Variants in DLG2 observed in about 807,000 individuals in gnomAD.
DLG2 encodes discs large MAGUK scaffold protein 2.
DLG2 carries 45 observed loss-of-function variants against 132.5 expected under a neutral mutation model. The ratio of observed to expected loss-of-function variants is 0.34; its 90% CI spans 0.27 to 0.44. The LOEUF is 0.44. Among genes scored for constraint, DLG2 ranks in the 20% least tolerant of loss-of-function variants. The probability of loss-of-function intolerance (pLI) is 1.00; values close to 1 mark genes in which losing one functional copy is unlikely to be tolerated. For missense variants in DLG2, 1,045 were observed against 1,196.9 expected, an observed-to-expected ratio of 0.87 and a Z score of 1.87; for synonymous variants, 424 against 419.6, an observed-to-expected ratio of 1.01 and a Z score of -0.13.
At chr11:83,782,423 G>A (rs923317877) in intron 18 of DLG2, among the ~76,000 whole-genome samples, 99 of 152,200 alleles carry the variant, frequency 6.5e-4, no homozygotes, top group African/African-American at 2.4e-3. Flanking sequence ...CTGTCTAGGA[G>A]CTCACTCGAG....
intron 18 of DLG2, among the ~76,000 whole-genome samples, chr11:83,727,211 T>A (rs2090165573): frequency 6.6e-6 from 1 of 152,162 alleles, no homozygotes; most frequent in Admixed American, 6.5e-5. Context: ...GTCCACTCAT[T>A]CCCTGGTTGA....
Position 84,450,763 on chromosome 11 carries a change from T to C in DLG2, c.519+83807A>G, listed in dbSNP as rs115481812. 3.3e-3 allele frequency among the ~76,000 whole-genome samples: 499 copies of C among 151,960 alleles called. 6 individuals carry two copies. Among genetic ancestry groups the C allele is most frequent in the African/African-American group, 0.012 (483 of 41,522 alleles). Reference sequence around the variant, plus strand: ...ATCATGTTGACAATAATCTATTTAATACATCTATTTTTCATGGTTTCCTTG... The same window carrying C: ...ATCATGTTGACAATAATCTATTTAACACATCTATTTTTCATGGTTTCCTTG... On this transcript the variant is annotated intron_variant, in intron 7 of 27. Transcript: ENST00000376104.
chr11:85,604,744 A>G (rs2080407490), intron 2 of DLG2, among the ~76,000 whole-genome samples: 1 of 152,162 alleles, frequency 6.6e-6, no homozygotes, highest in African/African-American at 2.4e-5. Flanking sequence ...TATGCAACCA[A>G]GGGATAGTGA....
chr11:85,430,002 C>T (rs371031006), intron 3 of DLG2, among the ~76,000 whole-genome samples: 20 of 151,866 alleles, frequency 1.3e-4, no homozygotes, highest in Non-Finnish European at 2.8e-4. Flanking sequence ...ATGTGGCACA[C>T]ATACACCATG....
intron 6 of DLG2, among the ~76,000 whole-genome samples, chr11:85,058,965 C>T (rs1345364202): frequency 6.6e-6 from 1 of 150,848 alleles, no homozygotes; most frequent in Non-Finnish European, 1.5e-5. Context: ...AAAAAGGACA[C>T]AAAAGGCACT....
chr11:84,147,279 A>G (rs1402003375), intron 9 of DLG2, among the ~76,000 whole-genome samples: 1 of 152,146 alleles, frequency 6.6e-6, no homozygotes, highest in Non-Finnish European at 1.5e-5. Context: ...AGACAAATCA[A>G]CTGTGTGACC....
At chr11:84,924,976 T>C (rs915941202) in intron 6 of DLG2, among the ~76,000 whole-genome samples, 15 of 152,180 alleles carry the variant, frequency 9.9e-5, no homozygotes, top group African/African-American at 3.6e-4. Flanking sequence ...CAGGTCACAT[T>C]TCCTGCAGCT....
At chr11:83,622,291 G>A (rs1033249461) in intron 19 of DLG2, among the ~76,000 whole-genome samples, 1 of 152,198 alleles carries the variant, frequency 6.6e-6, no homozygotes, top group Non-Finnish European at 1.5e-5. Flanking sequence ...TGCAAATTAT[G>A]TAGCAGGTCC....
intron 17 of DLG2, among the ~76,000 whole-genome samples, chr11:83,819,831 G>A (rs1463427885): frequency 2.6e-5 from 4 of 152,066 alleles, no homozygotes. Flanking sequence ...TCAGTCCAAC[G>A]TTGAAGAAGG....
intron 6 of DLG2, among the ~76,000 whole-genome samples, chr11:84,671,731 G>C (rs968007970): frequency 6.6e-6 from 1 of 152,092 alleles, no homozygotes; most frequent in South Asian, 2.1e-4. Flanking sequence ...TTTAATGACT[G>C]GTATGGACTT....
intron 4 of DLG2, among the ~76,000 whole-genome samples, chr11:85,226,697 G>A (rs993877830): frequency 2.0e-5 from 3 of 152,116 alleles, no homozygotes; most frequent in Admixed American, 6.6e-5. Context: ...GGAGAGAAGC[G>A]TGATTCCTGT....
At chr11:83,669,696 G>C (rs1373255530) in intron 18 of DLG2, among the ~76,000 whole-genome samples, 2 of 152,132 alleles carry the variant, frequency 1.3e-5, no homozygotes, top group African/African-American at 4.8e-5. Context: ...CTGAAATAAA[G>C]AGGAACAGAC....
intron 6 of DLG2, among the ~76,000 whole-genome samples, chr11:84,846,884 T>C (rs1186151354): frequency 6.6e-6 from 1 of 152,126 alleles, no homozygotes; most frequent in African/African-American, 2.4e-5. Flanking sequence ...TATCTATATA[T>C]GTGAGATTTT....
intron 7 of DLG2, among the ~76,000 whole-genome samples, chr11:84,386,269 G>C (rs750708288): frequency 2.0e-5 from 3 of 151,650 alleles, no homozygotes; most frequent in Non-Finnish European, 4.4e-5. Flanking sequence ...GTCAACTTTA[G>C]TATCTATTGA....
At chr11:85,516,200 T>A (rs560001807) in intron 3 of DLG2, among the ~76,000 whole-genome samples, 6 of 152,136 alleles carry the variant, frequency 3.9e-5, no homozygotes, top group African/African-American at 1.4e-4. Context: ...TCCTGAATAA[T>A]CTTTGGGTCA....
At chr11:85,195,982 A>C (rs1297025751) in intron 4 of DLG2, among the ~76,000 whole-genome samples, 1 of 152,194 alleles carries the variant, frequency 6.6e-6, no homozygotes, top group Non-Finnish European at 1.5e-5. Flanking sequence ...TTTTAGATAA[A>C]ATATTAACTT....
chr11:85,264,662 C>T (rs77977411), intron 4 of DLG2, among the ~76,000 whole-genome samples: 2,731 of 152,240 alleles, frequency 0.018, 48 homozygotes, highest in Admixed American at 0.036. Flanking sequence ...GCCAAGATAA[C>T]AGCACCGTAT....
intron 6 of DLG2, among the ~76,000 whole-genome samples, chr11:84,846,212 C>CTA (rs2081455747): frequency 1.3e-5 from 2 of 152,156 alleles, no homozygotes; most frequent in African/African-American, 4.8e-5. Context: ...CTGCAGGTTT[C>CTA]TATATATATC....
chr11:85,152,842 T>C (rs1470529868), intron 5 of DLG2, among the ~76,000 whole-genome samples: 1 of 152,244 alleles, frequency 6.6e-6, no homozygotes, highest in East Asian at 1.9e-4. Flanking sequence ...CCTAACTTTC[T>C]GCCCCACCCA....
Sources: gnomAD v4.1 joint callset for allele counts (sites outside exome capture counted in the v4.1 genomes callset) on GRCh38, gnomAD v4.1.1 for gene constraint, MANE v1.5 for transcripts, NCBI Gene and HGNC (gene_info 2026-07-23, HGNC 2026-07-21) for gene names.